Variants in ACTN1 observed in about 807,000 individuals in gnomAD.
ACTN1 encodes alpha-actinin-1.
ACTN1 carries 30 observed loss-of-function variants against 119.6 expected under a neutral mutation model. The observed-to-expected ratio is 0.25, with a 90% confidence interval of 0.19 to 0.34. The LOEUF (loss-of-function observed/expected upper bound fraction) is 0.34, where lower values mean the gene tolerates loss of function less well. Among genes scored for constraint, ACTN1 ranks in the 10% least tolerant of loss-of-function variants. The probability of loss-of-function intolerance (pLI) is 1.00; values close to 1 mark genes in which losing one functional copy is unlikely to be tolerated. For synonymous variants in ACTN1, 429 were observed against 472.6 expected (o/e 0.91, Z 1.20); for missense variants, 764 against 1,223.4 (o/e 0.62, Z 5.60).
rs2031402171 is a variant in ACTN1 at position 68,880,472 on chromosome 14, C to CAT, written c.2133+337_2133+338insAT. Among the ~76,000 whole-genome samples, 1 of 151,764 alleles carries CAT rather than the reference C, an allele frequency of 6.6e-6. No individual in the cohort carries two copies. ...ACGCGCGCACACACACATACACACA[C>CAT]ACACACTCTTGCACAGTTAAAACAA... On this transcript the variant is annotated intron_variant, in intron 17 of 21. Transcript: ENST00000394419. This position sits in a 1 kb window ranked among gnomAD's most constrained non-coding sequence, Gnocchi z 4.6.
intron 8 of ACTN1, among the ~76,000 whole-genome samples, chr14:68,894,669 G>C (rs1428334448): frequency 6.6e-6 from 1 of 152,142 alleles, no homozygotes; most frequent in Non-Finnish European, 1.5e-5. Context: ...AAAGCCTTTT[G>C]GGGGCCAGAG....
chr14:68,935,674 C>T (rs2035468403), intron 1 of ACTN1, among the ~76,000 whole-genome samples: 1 of 152,188 alleles, frequency 6.6e-6, no homozygotes, highest in Admixed American at 6.5e-5. Flanking sequence ...GCATGAGCCA[C>T]CACACCCGGC....
At position 68,878,648 on chromosome 14, in the gene ACTN1, G is replaced by A; in HGVS notation, c.2362-125C>T. On this transcript the variant is annotated intron_variant, in intron 19 of 21. Coordinates refer to ENST00000394419, the MANE Select transcript of ACTN1 (RefSeq NM_001130004.2). The surrounding 1 kb of genome is among the most constrained non-coding windows in gnomAD (Gnocchi z 4.4). ...GGGGATGAGATTTATGGTTTTGGGG[G>A]TCAGGATAGGTAAAGGAACATAGGA... is the stretch of plus-strand genomic sequence containing the variant. 6 of 1,551,478 alleles carry A rather than the reference G, an allele frequency of 3.9e-6. No individual in the cohort carries two copies. The highest frequency in any genetic ancestry group is 2.4e-5 in the East Asian group (1 of 41,460).
intron 8 of ACTN1, among the ~76,000 whole-genome samples, chr14:68,895,651 T>G (rs2032820526): frequency 6.6e-6 from 1 of 152,236 alleles, no homozygotes; most frequent in African/African-American, 2.4e-5. Flanking sequence ...CCTTGGCAGC[T>G]ACTCATAACT....
At chr14:68,913,155 A>G (rs1216837051) in intron 3 of ACTN1, among the ~76,000 whole-genome samples, 3 of 152,250 alleles carry the variant, frequency 2.0e-5, no homozygotes, top group African/African-American at 7.2e-5. Context: ...TTTAGAATCT[A>G]CAAGTTCTAT....
chr14:68,964,718 G>A (rs1007271074), intron 1 of ACTN1, among the ~76,000 whole-genome samples: 3 of 152,172 alleles, frequency 2.0e-5, no homozygotes, highest in African/African-American at 7.2e-5. Flanking sequence ...CTCATAGGGC[G>A]GCTATGATGA....
At position 68,902,560 on chromosome 14, in the gene ACTN1, T is replaced by A; in HGVS notation, c.679A>T (p.Ile227Phe). ...TCATCCGGTCGGGCAGTTCCAACGA[T>A]GTCTGTCAAGAAAAATCTGGAGTTA... Reference protein sequence around the residue: ...DIPKMLDAEDIVGTARPDEKA... With the variant: ...DIPKMLDAEDFVGTARPDEKA... Residue 227 changes from isoleucine to phenylalanine, a missense_variant and splice_region_variant, in exon 8 of 22, where the codon ATC (isoleucine) becomes TTC (phenylalanine). By Grantham distance (21) the Ile-to-Phe change is conservative. Around this residue, in one of 4 missense-constraint regions of ACTN1, gnomAD observed 544 missense variants for 912.0 expected, o/e 0.60. Coordinates refer to ENST00000394419, the MANE Select transcript of ACTN1 (RefSeq NM_001130004.2). 6.2e-7 allele frequency: 1 copy of A among 1,613,490 alleles called. No homozygotes were observed. Among genetic ancestry groups the A allele is most frequent in the Non-Finnish European group, 8.5e-7 (1 of 1,179,618 alleles).
intron 1 of ACTN1, among the ~76,000 whole-genome samples, chr14:68,972,081 C>G (rs2036908325): frequency 6.6e-6 from 1 of 152,126 alleles, no homozygotes; most frequent in Admixed American, 6.5e-5. Context: ...AGAAGCAATC[C>G]CAGGCCAAGA....
At chr14:68,915,187 A>G (rs1203035351) in intron 3 of ACTN1, among the ~76,000 whole-genome samples, 1 of 152,084 alleles carries the variant, frequency 6.6e-6, no homozygotes, top group African/African-American at 2.4e-5. Context: ...CTGAGAGTCA[A>G]AGCCAGTGGC....
rs1433839167 is a variant in ACTN1 at position 68,884,808 on chromosome 14, C to T, written c.1461G>A (p.Gly487=). ...CTTCCCTTCGCTTCTGAGTTAGGGC[C>T]CCCAGATTGTCCCACTGGTCACAGA... ...QKICDQWDNL[G]ALTQKRREAL... Residue 487 remains glycine, a synonymous_variant, in exon 13 of 22, where the codon GGG becomes GGA. Transcript: ENST00000394419. 1 of 1,614,030 alleles carries T rather than the reference C, an allele frequency of 6.2e-7. No homozygotes were observed. The highest frequency in any genetic ancestry group is 1.3e-5 in the African/African-American group (1 of 74,928).
chr14:68,888,540 A>G (rs1594765754), intron 11 of ACTN1, among the ~76,000 whole-genome samples: 1 of 152,106 alleles, frequency 6.6e-6, no homozygotes, highest in East Asian at 1.9e-4. Flanking sequence ...TACAAAGGGG[A>G]ACTAGAGCCA....
At chr14:68,945,929 A>G (rs1175523100) in intron 1 of ACTN1, among the ~76,000 whole-genome samples, 1 of 152,164 alleles carries the variant, frequency 6.6e-6, no homozygotes, top group East Asian at 1.9e-4. Flanking sequence ...TGTCAACCCA[A>G]TCAATCTTAA....
chr14:68,956,271 ACCTGGGCAACATGGTGAGACCCT>A (rs1263884910), intron 1 of ACTN1, among the ~76,000 whole-genome samples: 1 of 152,180 alleles, frequency 6.6e-6, no homozygotes, highest in African/African-American at 2.4e-5. Context: ...TTTGAGACCC[ACCTGGGCAACATGGTGAGACCCT>A]GTCTCCATTT....
At chr14:68,960,692 C>T (rs1260837932) in intron 1 of ACTN1, among the ~76,000 whole-genome samples, 1 of 150,686 alleles carries the variant, frequency 6.6e-6, no homozygotes, top group African/African-American at 2.4e-5. Context: ...GGGAGGATCA[C>T]TTAAGGCCAG....
chr14:68,892,377 T>C (rs1347923874), intron 9 of ACTN1, 94 bp from the exon 10 acceptor site: 2 of 1,323,434 alleles, frequency 1.5e-6, no homozygotes, highest in East Asian at 4.7e-5. Context: ...CCCTCCCACA[T>C]GGGGAAGGGG....
intron 2 of ACTN1, among the ~76,000 whole-genome samples, chr14:68,924,280 T>C (rs1438733681): frequency 9.9e-5 from 15 of 152,136 alleles, no homozygotes; most frequent in Admixed American, 9.8e-4. Context: ...TTCTGTTATA[T>C]ATTATTTTAC....
intron 4 of ACTN1, 105 bp from the exon 5 acceptor site, chr14:68,910,147 AGCT>A: frequency 1.2e-6 from 1 of 802,658 alleles, no homozygotes. Flanking sequence ...CCAACCCTGC[AGCT>A]ACTGAAGGAG....
chr14:68,898,412 C>T (rs569912492), intron 8 of ACTN1, among the ~76,000 whole-genome samples: 1 of 152,346 alleles, frequency 6.6e-6, no homozygotes, highest in South Asian at 2.1e-4. Context: ...TGTACAGGCA[C>T]ACGAGCTGTG....
chr14:68,912,412 T>G (rs1048443100), intron 3 of ACTN1, among the ~76,000 whole-genome samples, 170 bp from the exon 4 acceptor site: 1 of 152,190 alleles, frequency 6.6e-6, no homozygotes, highest in Non-Finnish European at 1.5e-5. Context: ...GGGTTTTCGC[T>G]CTGTCACCCA....
Sources: allele counts gnomAD v4.1 joint callset (sites outside exome capture counted in the v4.1 genomes callset), GRCh38; gene constraint gnomAD v4.1.1; regional missense constraint gnomAD v4.1.1; non-coding constraint Gnocchi (gnomAD v3.1); transcripts MANE v1.5; gene names NCBI Gene and HGNC (gene_info 2026-07-23, HGNC 2026-07-21).